EXOC6: variants seen among roughly 807,000 people sequenced by gnomAD.
EXOC6 encodes SEC15-like 1.
A neutral mutation model predicts 112.5 loss-of-function variants in EXOC6; 60 were observed. That is an observed-to-expected ratio of 0.53 (90% CI 0.43 to 0.66). The LOEUF (loss-of-function observed/expected upper bound fraction) is 0.66, where lower values mean the gene tolerates loss of function less well. Among genes scored for constraint, EXOC6 ranks in the 30% least tolerant of loss-of-function variants. The pLI is 0.00. For synonymous variants in EXOC6, 295 were observed against 308.0 expected (o/e 0.96, Z 0.44); for missense variants, 855 against 957.1 (o/e 0.89, Z 1.41).
intron 9 of EXOC6, among the ~76,000 whole-genome samples, chr10:92,932,537 A>G (rs1355327475): frequency 6.6e-6 from 1 of 152,184 alleles, no homozygotes; most frequent in Non-Finnish European, 1.5e-5. Flanking sequence ...AGTAAACAAA[A>G]CAATAAAATA....
chr10:92,887,971 A>G (rs1849310470), intron 1 of EXOC6, among the ~76,000 whole-genome samples: 1 of 152,170 alleles, frequency 6.6e-6, no homozygotes, highest in Non-Finnish European at 1.5e-5. Context: ...ACGTGGGGGT[A>G]TCAGCTGTGA....
intron 18 of EXOC6, among the ~76,000 whole-genome samples, chr10:92,983,137 ATTAT>A (rs1347595075): frequency 6.6e-6 from 1 of 152,230 alleles, no homozygotes; most frequent in Non-Finnish European, 1.5e-5. Flanking sequence ...AAGCAGACAA[ATTAT>A]TTAACCTCTG....
At chr10:93,031,760 G>A (rs1295989918) in intron 20 of EXOC6, among the ~76,000 whole-genome samples, 3 of 152,018 alleles carry the variant, frequency 2.0e-5, no homozygotes, top group Non-Finnish European at 2.9e-5. Context: ...TGATCTGCCC[G>A]CCTCTGCCTA....
chr10:93,022,892 T>TAAAGC, intron 20 of EXOC6, among the ~76,000 whole-genome samples: 1 of 152,248 alleles, frequency 6.6e-6, no homozygotes, highest in East Asian at 1.9e-4. Flanking sequence ...TCATAGCATA[T>TAAAGC]TGCTTTAACA....
chr10:92,975,147 A>T (rs1842464632), intron 18 of EXOC6, among the ~76,000 whole-genome samples: 1 of 145,508 alleles, frequency 6.9e-6, no homozygotes, highest in South Asian at 2.2e-4. Context: ...CCGCCATCCC[A>T]TGTACGAAGT....
At chr10:93,043,099 C>A (rs1312687711) in intron 20 of EXOC6, among the ~76,000 whole-genome samples, 1 of 152,022 alleles carries the variant, frequency 6.6e-6, no homozygotes, top group Non-Finnish European at 1.5e-5. Flanking sequence ...CCACAGCCAG[C>A]TAATTTTTTG....
At chr10:92,870,314 T>C in intron 1 of EXOC6, among the ~76,000 whole-genome samples, 1 of 152,180 alleles carries the variant, frequency 6.6e-6, no homozygotes, top group East Asian at 1.9e-4. Flanking sequence ...TATTCACCAA[T>C]ACTGCTTTTA....
At chr10:92,915,405 AAAAC>A (rs1415231385) in intron 6 of EXOC6, among the ~76,000 whole-genome samples, 1 of 151,312 alleles carries the variant, frequency 6.6e-6, no homozygotes, top group Non-Finnish European at 1.5e-5. Flanking sequence ...AAAAAACAAA[AAAAC>A]AAAGAAACAT....
chr10:92,907,043 T>C (rs1264654197), intron 5 of EXOC6, among the ~76,000 whole-genome samples: 1 of 152,214 alleles, frequency 6.6e-6, no homozygotes, highest in African/African-American at 2.4e-5. Flanking sequence ...GTCTCTGACT[T>C]CTGCTCTCTG....
chr10:92,998,564 A>T (rs976659510), intron 19 of EXOC6, among the ~76,000 whole-genome samples: 1 of 151,804 alleles, frequency 6.6e-6, no homozygotes, highest in African/African-American at 2.4e-5. Flanking sequence ...TAGGAAAAAC[A>T]TCATTAATAT....
intron 18 of EXOC6, among the ~76,000 whole-genome samples, chr10:92,992,143 G>A (rs1307630320): frequency 6.6e-6 from 1 of 151,822 alleles, no homozygotes; most frequent in African/African-American, 2.4e-5. Context: ...ACAAAAATTA[G>A]CCGGGCATGA....
chr10:92,926,066 A>C lies in EXOC6; in HGVS notation c.889-2273A>C, dbSNP rs1851701720. Among the ~76,000 whole-genome samples the C allele has an allele frequency of 2.0e-5, 3 of 151,618 alleles. No homozygotes were observed. The South Asian group carries it at 6.2e-4, about 32-fold the overall frequency. ...GGTGGACTTTTTAAAAAAAAAAAAA[A>C]ACAAATGCCCTAAGTCTGCAGGTCA... On this transcript the variant is annotated intron_variant, in intron 8 of 21. Transcript: ENST00000260762.
At position 92,887,995 on chromosome 10, in the gene EXOC6, G is replaced by A. The variant is rs188653519; in HGVS notation, c.102-5354G>A. Among the ~76,000 whole-genome samples the A allele has an allele frequency of 1.8e-3, 271 of 152,254 alleles. 1 individual carries two copies. Among genetic ancestry groups the A allele is most frequent in the African/African-American group, 6.1e-3 (254 of 41,548 alleles). On this transcript the variant is annotated intron_variant, in intron 1 of 21. Coordinates refer to ENST00000260762, the MANE Select transcript of EXOC6 (RefSeq NM_019053.6). ...TATCAGCTGTGAGTACAGCTTATGT[G>A]CATGTCTGGAATAGCAAATGGTTAT...
At chr10:92,878,859 A>G (rs976789550) in intron 1 of EXOC6, among the ~76,000 whole-genome samples, 3 of 152,088 alleles carry the variant, frequency 2.0e-5, no homozygotes, top group African/African-American at 7.2e-5. Context: ...ATTTTTAAGA[A>G]CTTCATTTTT....
At chr10:92,927,537 A>T (rs1851791687) in intron 8 of EXOC6, among the ~76,000 whole-genome samples, 4 of 152,190 alleles carry the variant, frequency 2.6e-5, no homozygotes. Context: ...ATTTAAATGT[A>T]AAAGTCAGTG....
intron 18 of EXOC6, among the ~76,000 whole-genome samples, chr10:92,975,748 G>T (rs1300409180): frequency 1.5e-5 from 2 of 132,052 alleles, no homozygotes; most frequent in East Asian, 4.8e-4. Context: ...AGGTCGGGGG[G>T]CCAGCCCCCC....
upstream of EXOC6, among the ~76,000 whole-genome samples, chr10:92,843,790 C>T (rs1846945827): frequency 6.6e-6 from 1 of 151,964 alleles, no homozygotes; most frequent in Non-Finnish European, 1.5e-5. Context: ...GAGTTCAAGA[C>T]CAGCCTGGCC....
intron 5 of EXOC6, among the ~76,000 whole-genome samples, chr10:92,907,623 C>T (rs545662142): frequency 3.3e-5 from 5 of 152,146 alleles, no homozygotes; most frequent in Non-Finnish European, 7.4e-5. Context: ...CATGAATTTT[C>T]AGAAACCATA....
At chr10:92,963,497 G>A (rs1162004294) in intron 17 of EXOC6, among the ~76,000 whole-genome samples, 1 of 151,140 alleles carries the variant, frequency 6.6e-6, no homozygotes, top group Non-Finnish European at 1.5e-5. Context: ...CTGGCTTATA[G>A]TCCATGATGA....
Sources: gnomAD v4.1 joint callset for allele counts (sites outside exome capture counted in the v4.1 genomes callset) on GRCh38, gnomAD v4.1.1 for gene constraint, MANE v1.5 for transcripts, NCBI Gene and HGNC (gene_info 2026-07-23, HGNC 2026-07-21) for gene names.